The following SPRED2 variants were observed in gnomAD, a reference collection of about 807,000 sequenced individuals.
SPRED2 encodes sprouty-related, EVH1 domain-containing protein 2.
In SPRED2, 47 loss-of-function variants were observed where a neutral mutation model predicts 43.0. The ratio of observed to expected loss-of-function variants is 1.09; its 90% CI spans 0.87 to 1.40. SPRED2 has a LOEUF of 1.40. Ranked by LOEUF, SPRED2 falls within the 40% of genes most tolerant of loss-of-function variation. The probability of loss-of-function intolerance (pLI) is 0.00; values close to 1 mark genes in which losing one functional copy is unlikely to be tolerated. For synonymous variants in SPRED2, 225 were observed against 225.7 expected, an observed-to-expected ratio of 1.00 and a Z score of 0.03; for missense variants, 561 against 586.4, an observed-to-expected ratio of 0.96 and a Z score of 0.45.
chr2:65,334,797 TG>T (rs1558656148), intron 2 of SPRED2, 24 bp from the exon 3 acceptor site: 2 of 1,612,992 alleles, frequency 1.2e-6, no homozygotes, highest in Non-Finnish European at 1.7e-6. Context: ...ACACACAGGC[TG>T]GTTACTAGTG....
chr2:65,308,452 G>A, downstream of SPRED2: 1 of 985,436 alleles, frequency 1.0e-6, no homozygotes. Context: ...TAGAAGTTAA[G>A]AAATAGAAAT....
chr2:65,410,646 C>A (rs988117638), intron 1 of SPRED2, among the ~76,000 whole-genome samples: 3 of 151,394 alleles, frequency 2.0e-5, no homozygotes, highest in Middle Eastern at 3.2e-3. Flanking sequence ...GTAGTCCCAG[C>A]TACTCGGGAG....
At chr2:65,366,834 T>A in intron 1 of SPRED2, 1 of 1,201,850 alleles carries the variant, frequency 8.3e-7, no homozygotes, top group Non-Finnish European at 1.0e-6. Context: ...TTACTCACAT[T>A]CAACATCCTG....
chr2:65,407,578 C>T (rs1572898670), intron 1 of SPRED2, among the ~76,000 whole-genome samples: 1 of 152,174 alleles, frequency 6.6e-6, no homozygotes, highest in East Asian at 1.9e-4. Flanking sequence ...TCTGAGTCTT[C>T]ATGTCAATGA....
chr2:65,394,059 C>T (rs1675699301), intron 1 of SPRED2, among the ~76,000 whole-genome samples: 1 of 152,090 alleles, frequency 6.6e-6, no homozygotes, highest in Admixed American at 6.6e-5. Context: ...AAAATTGTAA[C>T]ATTTCAATGA....
intron 1 of SPRED2, among the ~76,000 whole-genome samples, chr2:65,430,462 C>T (rs907387419): frequency 2.6e-5 from 4 of 152,164 alleles, no homozygotes; most frequent in Admixed American, 1.3e-4. Context: ...CAACAGCAGA[C>T]GCCAAAGGAT....
chr2:65,384,566 G>T (rs68138365), intron 1 of SPRED2, among the ~76,000 whole-genome samples: 7,849 of 152,234 alleles, frequency 0.052, 299 homozygotes, highest in Middle Eastern at 0.15. Flanking sequence ...GAGCAAGCCG[G>T]TGTGGTAGCA....
At chr2:65,408,727 C>T (rs545066526) in intron 1 of SPRED2, among the ~76,000 whole-genome samples, 10 of 152,114 alleles carry the variant, frequency 6.6e-5, no homozygotes, top group South Asian at 2.1e-4. Flanking sequence ...ACAATAGTCA[C>T]GTGCCACCAC....
chr2:65,328,377 T>C (rs1279826791), intron 4 of SPRED2, among the ~76,000 whole-genome samples: 3 of 152,200 alleles, frequency 2.0e-5, no homozygotes, highest in Non-Finnish European at 4.4e-5. Flanking sequence ...AACGATTTCC[T>C]TTTCTTAAGC....
chr2:65,318,526 T>C (rs1673313277), intron 4 of SPRED2, among the ~76,000 whole-genome samples: 1 of 151,298 alleles, frequency 6.6e-6, no homozygotes, highest in Non-Finnish European at 1.5e-5. Context: ...CCTCTACCAT[T>C]CCCCAACTAA....
chr2:65,394,778 G>A (rs1183030795), intron 1 of SPRED2, among the ~76,000 whole-genome samples: 1 of 152,184 alleles, frequency 6.6e-6, no homozygotes, highest in African/African-American at 2.4e-5. Flanking sequence ...GTGAGGCGCA[G>A]GGAGGGTTGA....
At position 65,397,373 on chromosome 2, in the gene SPRED2, T is replaced by A. The variant is rs771182920; in HGVS notation, c.26+34589A>T. Among the ~76,000 whole-genome samples, 53 of 152,280 alleles carry A rather than the reference T, an allele frequency of 3.5e-4. 1 individual carries two copies. Among genetic ancestry groups the A allele is most frequent in the Admixed American group, 1.6e-3 (24 of 15,296 alleles). On this transcript the variant is annotated intron_variant, in intron 1 of 5. Coordinates refer to ENST00000356388, the MANE Select transcript of SPRED2 (RefSeq NM_181784.3). ...CTGAACAAATGAGCAGGGTTAACTT[T>A]TCTCACTGGCAACCAGAATGGGTTG...
At chr2:65,362,555 C>T (rs1215513385) in intron 1 of SPRED2, among the ~76,000 whole-genome samples, 1 of 152,102 alleles carries the variant, frequency 6.6e-6, no homozygotes, top group South Asian at 2.1e-4. Flanking sequence ...CAGGCGTAAG[C>T]CACTGCGCCC....
In SPRED2 at chr2:65,314,029, G is replaced by T; in HGVS notation, c.729C>A (p.Pro243=). The T allele has an allele frequency of 6.2e-7, 1 of 1,614,112 alleles. No individual in the cohort carries two copies. Among genetic ancestry groups the T allele is most frequent in the Non-Finnish European group, 8.5e-7 (1 of 1,180,024 alleles). The change falls in exon 6 of 6, where the codon CCC becomes CCA. Residue 243 remains proline, a synonymous_variant. Coordinates refer to ENST00000356388, the MANE Select transcript of SPRED2 (RefSeq NM_181784.3). ...CGTAGGAGGAGTCCGCGTCCTCCGA[G>T]GGGTCCGGGTACTTGCCCCTGACGG... ...HAPVRGKYPD[P]SEDADSSYVR...
chr2:65,401,926 A>AGT (rs1553426553), intron 1 of SPRED2, among the ~76,000 whole-genome samples: 16,085 of 121,992 alleles, frequency 0.13, 1,461 homozygotes, highest in Non-Finnish European at 0.17. Context: ...TCAGAATATT[A>AGT]GCGCGCGCGC....
intron 1 of SPRED2, chr2:65,366,541 A>T (rs766071664): frequency 6.5e-7 from 1 of 1,534,656 alleles, no homozygotes; most frequent in African/African-American, 1.4e-5. Flanking sequence ...AAGGTTAAGA[A>T]TAAGAGAACA....
chr2:65,399,603 G>A (rs982477999), intron 1 of SPRED2, among the ~76,000 whole-genome samples: 53 of 152,050 alleles, frequency 3.5e-4, no homozygotes, highest in African/African-American at 9.2e-4. Context: ...GGCTGGTCTC[G>A]AACTCCTGAG....
At chr2:65,397,609 CTT>C (rs34229550) in intron 1 of SPRED2, among the ~76,000 whole-genome samples, 630 of 131,294 alleles carry the variant, frequency 4.8e-3, no homozygotes, top group Middle Eastern at 0.013. Flanking sequence ...TCTAGCATCA[CTT>C]TTTTTTTTTT....
intron 4 of SPRED2, among the ~76,000 whole-genome samples, chr2:65,322,285 T>TAC (rs1673448370): frequency 9.4e-6 from 1 of 106,914 alleles, no homozygotes; most frequent in Non-Finnish European, 1.8e-5. Context: ...TATATATATA[T>TAC]ATATATATAT....
Sources: allele counts gnomAD v4.1 joint callset (sites outside exome capture counted in the v4.1 genomes callset), GRCh38; gene constraint gnomAD v4.1.1; transcripts MANE v1.5; gene names NCBI Gene and HGNC (gene_info 2026-07-23, HGNC 2026-07-21).